The following LRMDA variants were observed in gnomAD, a reference collection of about 807,000 sequenced individuals.
LRMDA encodes the protein leucine rich melanocyte differentiation associated.
Under a neutral mutation model 29.8 loss-of-function variants are expected in LRMDA, and 18 were observed. The observed-to-expected ratio is 0.60, with a 90% CI of 0.42 to 0.90. LRMDA has a LOEUF of 0.90. Among genes scored for constraint, LRMDA ranks in the 40% least tolerant of loss-of-function variants. The probability of loss-of-function intolerance (pLI) is 0.00; values close to 1 mark genes in which losing one functional copy is unlikely to be tolerated. For synonymous variants in LRMDA, 125 were observed against 109.4 expected, an observed-to-expected ratio of 1.14 and a Z score of -0.89; for missense variants, 273 against 273.9, an observed-to-expected ratio of 1.00 and a Z score of 0.02.
At chr10:76,505,998 T>A (rs1564560953) in intron 6 of LRMDA, among the ~76,000 whole-genome samples, 1 of 152,154 alleles carries the variant, frequency 6.6e-6, no homozygotes, top group Non-Finnish European at 1.5e-5. Context: ...GCTGGATTTT[T>A]GCCCCTTCTC....
chr10:75,622,688 T>C (rs1841203622), intron 2 of LRMDA, among the ~76,000 whole-genome samples: 1 of 152,236 alleles, frequency 6.6e-6, no homozygotes, highest in Admixed American at 6.5e-5. Context: ...ACTCACTCAC[T>C]GCTTACCCAT....
intron 5 of LRMDA, among the ~76,000 whole-genome samples, chr10:76,161,767 CTAGATGTG>C (rs1258641907): frequency 6.6e-6 from 1 of 152,128 alleles, no homozygotes; most frequent in Non-Finnish European, 1.5e-5. Flanking sequence ...CAAGATAGAC[CTAGATGTG>C]GTGGCACCTT....
chr10:76,407,958 A>G (rs772439205), intron 6 of LRMDA, among the ~76,000 whole-genome samples: 4 of 152,172 alleles, frequency 2.6e-5, no homozygotes, highest in Non-Finnish European at 4.4e-5. Flanking sequence ...CTCTCAATAC[A>G]ATTATGTCAT....
chr10:76,414,385 G>T (rs1437785570), intron 6 of LRMDA, among the ~76,000 whole-genome samples: 1 of 152,158 alleles, frequency 6.6e-6, no homozygotes, highest in Non-Finnish European at 1.5e-5. Flanking sequence ...AAGTTATGGT[G>T]CTATACTTCA....
intron 6 of LRMDA, among the ~76,000 whole-genome samples, chr10:76,513,185 CTG>C (rs1302664402): frequency 6.6e-6 from 1 of 152,170 alleles, no homozygotes; most frequent in Non-Finnish European, 1.5e-5. Context: ...CCAAACATAA[CTG>C]TAATTTGAGC....
At chr10:75,833,421 A>G (rs1844380512) in intron 2 of LRMDA, among the ~76,000 whole-genome samples, 1 of 148,304 alleles carries the variant, frequency 6.7e-6, no homozygotes, top group Non-Finnish European at 1.5e-5. Flanking sequence ...TAAGATTATC[A>G]GTGATTGGAG....
chr10:75,444,742 C>T (rs1475027781), intron 2 of LRMDA, among the ~76,000 whole-genome samples: 1 of 151,812 alleles, frequency 6.6e-6, no homozygotes, highest in Non-Finnish European at 1.5e-5. Context: ...ATTGGAAAAC[C>T]CAGAGAAAGT....
chr10:75,612,838 A>G (rs1333019007), intron 2 of LRMDA, among the ~76,000 whole-genome samples: 1 of 152,014 alleles, frequency 6.6e-6, no homozygotes, highest in Non-Finnish European at 1.5e-5. Context: ...ACCTGGGTAA[A>G]ATAATCTAGT....
At chr10:75,862,076 A>G (rs1844940019) in intron 2 of LRMDA, among the ~76,000 whole-genome samples, 1 of 152,100 alleles carries the variant, frequency 6.6e-6, no homozygotes, top group Admixed American at 6.6e-5. Flanking sequence ...CCAGTAGAAG[A>G]ACTGAGCCCC....
At chr10:75,773,554 G>T (rs919695451) in intron 2 of LRMDA, among the ~76,000 whole-genome samples, 1 of 152,204 alleles carries the variant, frequency 6.6e-6, no homozygotes, top group Non-Finnish European at 1.5e-5. Flanking sequence ...GGAAGAGGGA[G>T]ACAGATGAAT....
intron 6 of LRMDA, among the ~76,000 whole-genome samples, chr10:76,328,214 G>A (rs547386668): frequency 1.3e-5 from 2 of 152,250 alleles, no homozygotes; most frequent in East Asian, 1.9e-4. Context: ...TATGAGGAGC[G>A]CTAAAATATC....
intron 2 of LRMDA, among the ~76,000 whole-genome samples, chr10:75,457,318 G>A (rs1051634641): frequency 1.3e-5 from 2 of 152,156 alleles, no homozygotes; most frequent in Non-Finnish European, 2.9e-5. Flanking sequence ...ACTAGTATAG[G>A]TTGACTGAGA....
intron 2 of LRMDA, among the ~76,000 whole-genome samples, chr10:75,804,803 G>C (rs918230615): frequency 3.3e-5 from 5 of 152,198 alleles, no homozygotes; most frequent in Admixed American, 2.0e-4. Context: ...TGTATAAGCT[G>C]TTTTGAGTTT....
At chr10:75,650,903 A>T (rs1335164743) in intron 2 of LRMDA, among the ~76,000 whole-genome samples, 1 of 152,148 alleles carries the variant, frequency 6.6e-6, no homozygotes, top group Non-Finnish European at 1.5e-5. Context: ...GAGAACTCTC[A>T]TCAGCATTAT....
At chr10:75,521,403 G>C (rs1845355745) in intron 2 of LRMDA, among the ~76,000 whole-genome samples, 1 of 152,220 alleles carries the variant, frequency 6.6e-6, no homozygotes, top group African/African-American at 2.4e-5. Context: ...ACCTACTCAA[G>C]CCTCAGCAAT....
At chr10:76,186,708 G>A (rs868387352) in intron 5 of LRMDA, among the ~76,000 whole-genome samples, 5 of 152,290 alleles carry the variant, frequency 3.3e-5, no homozygotes, top group South Asian at 4.1e-4. Context: ...TGTGTGCTAG[G>A]TAGGATACTA....
intron 6 of LRMDA, among the ~76,000 whole-genome samples, chr10:76,406,165 C>T (rs146498251): frequency 3.7e-4 from 57 of 152,216 alleles, no homozygotes; most frequent in Non-Finnish European, 5.7e-4. Context: ...GAAATATGGC[C>T]GGCATTCCGG....
chr10:76,035,099 T>C (rs1296520312), intron 2 of LRMDA, among the ~76,000 whole-genome samples: 1 of 151,544 alleles, frequency 6.6e-6, no homozygotes, highest in Non-Finnish European at 1.5e-5. Flanking sequence ...TTCTGCTGTT[T>C]TTTTTTTTTT....
intron 2 of LRMDA, among the ~76,000 whole-genome samples, chr10:75,445,696 C>T (rs1844385021): frequency 6.6e-6 from 1 of 152,240 alleles, no homozygotes; most frequent in African/African-American, 2.4e-5. Context: ...ATTCCCCTCC[C>T]CCAGGGGCCC....
Sources: allele counts gnomAD v4.1 joint callset (sites outside exome capture counted in the v4.1 genomes callset), GRCh38; gene constraint gnomAD v4.1.1; transcripts MANE v1.5; gene names NCBI Gene and HGNC (gene_info 2026-07-23, HGNC 2026-07-21).